VWC2: variants seen among roughly 807,000 people sequenced by gnomAD.
The protein encoded by VWC2 is brorin.
A neutral mutation model predicts 29.8 loss-of-function variants in VWC2; 14 were observed. That is an observed-to-expected ratio of 0.47 (90% CI 0.31 to 0.74). The LOEUF is 0.74. Ranked by LOEUF, VWC2 falls within the 30% of genes least tolerant of loss-of-function variation. VWC2 has a pLI of 0.05. For missense variants in VWC2, 457 were observed against 459.8 expected (o/e 0.99, Z 0.05); for synonymous variants, 213 against 199.0 (o/e 1.07, Z -0.59).
chr7:49,776,208 A>T, intron 2 of VWC2, 77 bp downstream of exon 2: 1 of 1,277,706 alleles, frequency 7.8e-7, no homozygotes, highest in Non-Finnish European at 1.1e-6. Flanking sequence ...GTGGTCCCCC[A>T]CTTTGAAGAA....
chr7:49,874,630 G>T (rs1791321974), intron 3 of VWC2, among the ~76,000 whole-genome samples: 6 of 152,096 alleles, frequency 3.9e-5, no homozygotes, highest in Admixed American at 3.3e-4. Flanking sequence ...TAGGTGACAG[G>T]ATTGGGGGTA....
intron 3 of VWC2, among the ~76,000 whole-genome samples, chr7:49,824,526 A>G (rs1168010637): frequency 6.6e-6 from 1 of 152,152 alleles, no homozygotes; most frequent in Non-Finnish European, 1.5e-5. Flanking sequence ...TTTATTTTTT[A>G]AAATTCCCTT....
chr7:49,894,066 G>T (rs1433272565), intron 3 of VWC2, among the ~76,000 whole-genome samples: 2 of 152,198 alleles, frequency 1.3e-5, no homozygotes, highest in African/African-American at 2.4e-5. Context: ...GAGGAGATAT[G>T]ACATAGACAC....
At chr7:49,866,990 G>A (rs1448656757) in intron 3 of VWC2, among the ~76,000 whole-genome samples, 1 of 152,184 alleles carries the variant, frequency 6.6e-6, no homozygotes, top group Non-Finnish European at 1.5e-5. Flanking sequence ...AAAATCATAA[G>A]TGAAACTTTA....
chr7:49,823,085 T>C (rs1181078207), intron 3 of VWC2, among the ~76,000 whole-genome samples: 1 of 152,242 alleles, frequency 6.6e-6, no homozygotes, highest in Non-Finnish European at 1.5e-5. Context: ...TCAAACAGTT[T>C]TCCAAAGTGG....
At chr7:49,805,871 A>T (rs1788864995) in intron 3 of VWC2, among the ~76,000 whole-genome samples, 1 of 152,254 alleles carries the variant, frequency 6.6e-6, no homozygotes, top group South Asian at 2.1e-4. Context: ...AGCATTAAAT[A>T]GCTCTTTCTC....
Position 49,909,230 on chromosome 7 carries a change from T to C in VWC2, c.827-2804T>C, listed in dbSNP as rs569267535. 6.2e-4 allele frequency among the ~76,000 whole-genome samples: 95 copies of C among 152,324 alleles called. 2 individuals are homozygous for C. In the South Asian group the frequency reaches 0.018, roughly 29 times the overall value. ...AGGATACAGGTCTTCTGGGCAGTTA[T>C]GGTGTGGCTTCTCTGTGCAAAGCAC... is the stretch of plus-strand genomic sequence containing the variant. On this transcript the variant is annotated intron_variant, in intron 3 of 3. Transcript: ENST00000340652.
intron 3 of VWC2, among the ~76,000 whole-genome samples, chr7:49,811,704 T>C (rs1394624922): frequency 6.6e-6 from 1 of 152,200 alleles, no homozygotes; most frequent in African/African-American, 2.4e-5. Context: ...GGAAAAATAT[T>C]GTTGGCAGAA....
At chr7:49,824,347 T>C (rs528804213) in intron 3 of VWC2, among the ~76,000 whole-genome samples, 1 of 152,334 alleles carries the variant, frequency 6.6e-6, no homozygotes, top group African/African-American at 2.4e-5. Flanking sequence ...TTTTTCCTAT[T>C]GAATTATCTT....
intron 3 of VWC2, among the ~76,000 whole-genome samples, chr7:49,898,569 C>A (rs1054922533): frequency 2.6e-5 from 4 of 151,922 alleles, no homozygotes; most frequent in African/African-American, 9.7e-5. Context: ...CAACACATTA[C>A]ATATGTATAT....
At chr7:49,807,083 A>G (rs1426764127) in intron 3 of VWC2, among the ~76,000 whole-genome samples, 1 of 152,230 alleles carries the variant, frequency 6.6e-6, no homozygotes, top group Non-Finnish European at 1.5e-5. Flanking sequence ...AAGTAAATCT[A>G]ACAAAATTGT....
rs1244955315 is a variant in VWC2, at chr7:49,915,161, A to T, written c.*2976A>T. 1 of 152,164 alleles carries T rather than the reference A, an allele frequency of 6.6e-6. No individual in the cohort carries two copies. The highest frequency in any genetic ancestry group is 1.5e-5 in the Non-Finnish European group (1 of 68,004). The allele number at this position is 152,164 out of a possible 1,614,324, so 9.4% of individuals were successfully genotyped here. On this transcript the variant is annotated 3_prime_UTR_variant, in exon 4 of 4. Transcript: ENST00000340652. ...GGTGGATTAACAATACTTTTTATTG[A>T]CATTTCCCAGAAGTCTTGAGAAAAG...
intron 3 of VWC2, among the ~76,000 whole-genome samples, chr7:49,861,107 T>G (rs539678205): frequency 6.6e-6 from 1 of 152,364 alleles, no homozygotes; most frequent in African/African-American, 2.4e-5. Flanking sequence ...CCACCAGCAA[T>G]GGACAAGGGT....
At chr7:49,887,827 GA>G (rs1270757302) in intron 3 of VWC2, among the ~76,000 whole-genome samples, 1 of 152,150 alleles carries the variant, frequency 6.6e-6, no homozygotes, top group African/African-American at 2.4e-5. Context: ...CCATCCCCCA[GA>G]AATATCTATT....
Position 49,915,291 on chromosome 7 carries a change from C to T in VWC2, c.*3106C>T, listed in dbSNP as rs924519448. ...GTTGCAGCTAGTGCAGATGGAGAGGCACAGTGTCCTTGACATCAAGGGGTC... is the reference window on the plus strand; with the variant it reads ...GTTGCAGCTAGTGCAGATGGAGAGGTACAGTGTCCTTGACATCAAGGGGTC... On this transcript the variant is annotated 3_prime_UTR_variant, in exon 4 of 4. Coordinates refer to ENST00000340652, the MANE Select transcript of VWC2 (RefSeq NM_198570.5). The T allele has an allele frequency of 6.6e-6, 1 of 152,164 alleles. No individual in the cohort carries two copies. Among genetic ancestry groups the T allele is most frequent in the African/African-American group, 2.4e-5 (1 of 41,448 alleles). 9.4% of individuals were successfully genotyped at this position (152,164 alleles called of 1,614,324 possible).
At chr7:49,898,569 C>T (rs1054922533) in intron 3 of VWC2, among the ~76,000 whole-genome samples, 2 of 151,922 alleles carry the variant, frequency 1.3e-5, no homozygotes, top group East Asian at 3.9e-4. Flanking sequence ...CAACACATTA[C>T]ATATGTATAT....
intron 3 of VWC2, among the ~76,000 whole-genome samples, chr7:49,817,178 A>G (rs1258618674): frequency 6.6e-6 from 1 of 152,204 alleles, no homozygotes; most frequent in Non-Finnish European, 1.5e-5. Context: ...AAGATTATCC[A>G]TTCATACTCT....
intron 3 of VWC2, among the ~76,000 whole-genome samples, chr7:49,907,412 C>T (rs1793163342): frequency 6.6e-6 from 1 of 152,014 alleles, no homozygotes; most frequent in Admixed American, 6.6e-5. Context: ...ATATTAATTA[C>T]TAGGAATGAC....
intron 3 of VWC2, among the ~76,000 whole-genome samples, chr7:49,902,548 C>T (rs527605706): frequency 2.2e-4 from 30 of 133,546 alleles, no homozygotes; most frequent in Non-Finnish European, 4.1e-4. Context: ...ATTGGATATC[C>T]GTAGCCAAAA....
Sources: allele counts gnomAD v4.1 joint callset (sites outside exome capture counted in the v4.1 genomes callset), GRCh38; gene constraint gnomAD v4.1.1; transcripts MANE v1.5; gene names NCBI Gene and HGNC (gene_info 2026-07-23, HGNC 2026-07-21).